ABHD12: variants seen among roughly 807,000 people sequenced by gnomAD.
The protein encoded by ABHD12 is abhydrolase domain containing 12, lysophospholipase.
ABHD12 carries 43 observed loss-of-function variants against 58.3 expected under a neutral mutation model. That is an observed-to-expected ratio of 0.74 (90% CI 0.58 to 0.95). The LOEUF (loss-of-function observed/expected upper bound fraction) is 0.95. ABHD12 is among the 40% of genes least tolerant of loss of function. The probability of loss-of-function intolerance (pLI) is 0.00; values close to 1 mark genes in which losing one functional copy is unlikely to be tolerated. For synonymous variants in ABHD12, 219 were observed against 211.2 expected, an observed-to-expected ratio of 1.04 and a Z score of -0.32; for missense variants, 539 against 537.2, an observed-to-expected ratio of 1.00 and a Z score of -0.03.
At chr20:25,368,630 C>A in intron 1 of ABHD12, 1 of 1,371,500 alleles carries the variant, frequency 7.3e-7, no homozygotes, top group African/African-American at 1.4e-5. Context: ...CCCTTAAAAC[C>A]AAATCCTTTC....
chr20:25,350,143 C>T (rs913381898), intron 1 of ABHD12, among the ~76,000 whole-genome samples: 3 of 152,072 alleles, frequency 2.0e-5, no homozygotes, highest in Non-Finnish European at 4.4e-5. Context: ...CTGCTTCAAA[C>T]CAGTAATCAA....
At chr20:25,348,672 G>A (rs1023430869) in intron 1 of ABHD12, among the ~76,000 whole-genome samples, 1 of 151,938 alleles carries the variant, frequency 6.6e-6, no homozygotes, top group African/African-American at 2.4e-5. Flanking sequence ...AAATTGTGCG[G>A]AAAAAAACTA....
At chr20:25,296,704 G>C (rs1394966221), downstream of ABHD12, 1 of 791,712 alleles carries the variant, frequency 1.3e-6, no homozygotes, top group Non-Finnish European at 1.9e-6. Flanking sequence ...GAATGTGCTA[G>C]AAGTGCTCCT....
intron 2 of ABHD12, among the ~76,000 whole-genome samples, chr20:25,326,229 A>T (rs1236310965): frequency 6.6e-6 from 1 of 152,060 alleles, no homozygotes; most frequent in Middle Eastern, 3.2e-3. Flanking sequence ...AAAGCAAGGA[A>T]GGCTCTTCTG....
intron 10 of ABHD12, among the ~76,000 whole-genome samples, chr20:25,305,000 G>C (rs761758627): frequency 3.0e-4 from 46 of 151,658 alleles, no homozygotes; most frequent in Non-Finnish European, 5.9e-4. Context: ...AGCCTCCCGA[G>C]TAGCTGGGAT....
intron 6 of ABHD12, among the ~76,000 whole-genome samples, chr20:25,312,716 T>C (rs1347960788): frequency 1.6e-5 from 2 of 123,540 alleles, no homozygotes; most frequent in Non-Finnish European, 3.3e-5. Flanking sequence ...CCGGCCGCCA[T>C]CCCATCTAGG....
At chr20:25,380,019 T>C (rs774501993) in intron 1 of ABHD12, among the ~76,000 whole-genome samples, 4 of 152,216 alleles carry the variant, frequency 2.6e-5, no homozygotes, top group Non-Finnish European at 4.4e-5. Flanking sequence ...CCACCGCACC[T>C]GGCCTTGTAA....
chr20:25,335,260 C>G (rs938975662), intron 2 of ABHD12, among the ~76,000 whole-genome samples: 1 of 152,100 alleles, frequency 6.6e-6, no homozygotes, highest in African/African-American at 2.4e-5. Context: ...CAATGAGATA[C>G]CATTTCACAC....
rs746748 is a variant in ABHD12, at chr20:25,302,331, C to T, written c.1045G>A (p.Ala349Thr). 0.056 allele frequency: 90,556 copies of T among 1,613,332 alleles called. 3,013 individuals are homozygous for T. Among genetic ancestry groups the T allele is most frequent in the Non-Finnish European group, 0.067 (79,467 of 1,179,904 alleles). Residue 349 changes from alanine to threonine, a missense_variant, in exon 12 of 13, where the codon GCA becomes ACA. By Grantham distance (58) the Ala-to-Thr change is moderately conservative (BLOSUM62 0). Coordinates refer to ENST00000339157, the MANE Select transcript of ABHD12 (RefSeq NM_001042472.3). ...QLGRKLYSIA[A>T]PARSFRDFKV... is the part of the protein sequence containing the mutation. Reference sequence around the variant, plus strand: ...AAATCTCGGAAGCTTCGAGCTGGTGCGGCGATGCTATAGAGCTGGGGAGAG... The same window carrying T: ...AAATCTCGGAAGCTTCGAGCTGGTGTGGCGATGCTATAGAGCTGGGGAGAG...
chr20:25,320,420 AG>A (rs2089045199), intron 3 of ABHD12, 102 bp from the exon 4 acceptor site: 1 of 1,508,972 alleles, frequency 6.6e-7, no homozygotes, highest in Non-Finnish European at 9.1e-7. Flanking sequence ...TCCAGACAGC[AG>A]GGAGCTGCAG....
At chr20:25,323,952 C>T (rs1460625902) in intron 2 of ABHD12, among the ~76,000 whole-genome samples, 1 of 152,178 alleles carries the variant, frequency 6.6e-6, no homozygotes, top group African/African-American at 2.4e-5. Context: ...AAAGGGGATT[C>T]CAAAGTTTCC....
chr20:25,317,456 C>T (rs1465546010), intron 4 of ABHD12, among the ~76,000 whole-genome samples: 17 of 152,308 alleles, frequency 1.1e-4, no homozygotes, highest in African/African-American at 2.6e-4. Flanking sequence ...CCCGTATGGG[C>T]GACTTCTGCC....
chr20:25,345,496 C>A (rs2500442), intron 1 of ABHD12, among the ~76,000 whole-genome samples: 128,244 of 152,216 alleles, frequency 0.84, 54,327 homozygotes, highest in African/African-American at 0.92. Context: ...ACAATGTCAA[C>A]AGAATGAGAA....
At chr20:25,388,863 G>C (rs527772140) in intron 1 of ABHD12, among the ~76,000 whole-genome samples, 5 of 142,238 alleles carry the variant, frequency 3.5e-5, no homozygotes, top group African/African-American at 1.3e-4. Context: ...ATCTCGGTTC[G>C]GCGAGATCTT....
At chr20:25,364,253 A>C (rs2089790751) in intron 1 of ABHD12, among the ~76,000 whole-genome samples, 1 of 152,230 alleles carries the variant, frequency 6.6e-6, no homozygotes, top group Admixed American at 6.5e-5. Flanking sequence ...CAGATGACAA[A>C]GGTGCCTTAG....
chr20:25,300,847 A>G lies in ABHD12; in HGVS notation c.1195T>C (p.Ter399ArgextTer90), dbSNP rs771489942. 8.1e-6 allele frequency: 13 copies of G among 1,614,028 alleles called. No homozygotes were observed. Among genetic ancestry groups the G allele is most frequent in the Non-Finnish European group, 1.1e-5 (13 of 1,180,014 alleles). Residue 399 changes from the stop codon to arginine (R), a stop_lost, in exon 13 of 13, where the codon TGA becomes CGA. Transcript: ENST00000339157. ...ATGCTTCCTTCCCACGGCCAGGCTC[A>G]GTGCTGGTGCTCAGGCTCCGACTTC... ...LGKSEPEHQH* is the reference protein window; with the variant it reads ...LGKSEPEHQHR
downstream of ABHD12, chr20:25,296,946 C>T (rs573905844): frequency 1.8e-5 from 3 of 169,472 alleles, no homozygotes; most frequent in African/African-American, 7.2e-5. Context: ...GTTACTGCAG[C>T]ATCTGGGCTG....
At chr20:25,325,203 CAAAAAAAAA>C (rs376306392) in intron 2 of ABHD12, among the ~76,000 whole-genome samples, 65 of 76,460 alleles carry the variant, frequency 8.5e-4, no homozygotes, top group African/African-American at 3.2e-3. Context: ...GACCCTGTTT[CAAAAAAAAA>C]AAAAAAAAAA....
chr20:25,296,626 T>C, downstream of ABHD12: 1 of 1,421,380 alleles, frequency 7.0e-7, no homozygotes, highest in East Asian at 2.4e-5. Context: ...TCCCTGCTTT[T>C]CTGAGTACCA....
Sources: gnomAD v4.1 joint callset for allele counts (sites outside exome capture counted in the v4.1 genomes callset) on GRCh38, gnomAD v4.1.1 for gene constraint, MANE v1.5 for transcripts, NCBI Gene and HGNC (gene_info 2026-07-23, HGNC 2026-07-21) for gene names.